The following CAST variants were observed in gnomAD, a reference collection of about 807,000 sequenced individuals.
CAST encodes the protein MIR583 host.
CAST carries 76 observed loss-of-function variants against 119.6 expected under a neutral mutation model. The observed-to-expected ratio is 0.64, with a 90% CI of 0.53 to 0.77. The LOEUF (loss-of-function observed/expected upper bound fraction) is 0.77. CAST is among the 30% of genes least tolerant of loss of function. The pLI is 0.00. For missense variants in CAST, 953 were observed against 946.5 expected (o/e 1.01, Z -0.09); for synonymous variants, 319 against 331.6 (o/e 0.96, Z 0.41).
the CAST span, among the ~76,000 whole-genome samples, chr5:96,462,859 G>A: frequency 1.3e-5 from 2 of 151,938 alleles, no homozygotes; most frequent in Non-Finnish European, 2.9e-5. Context: ...AGTGTTCGGC[G>A]GTTCCTCCAT....
rs573297286 is a variant in CAST, at chr5:96,587,868, A to G, written c.60+57988A>G. Among the ~76,000 whole-genome samples, 31 of 152,340 alleles carry G rather than the reference A, an allele frequency of 2.0e-4. 1 individual carries two copies. Among genetic ancestry groups the G allele is most frequent in the Admixed American group, 1.2e-3 (18 of 15,306 alleles). On this transcript the variant is annotated intron_variant, in intron 1 of 11. Transcript: ENST00000505143. ...TCTGGAAGCTCTGCTTAACTGTTTC[A>G]GAGAGCTTCTATTTTTATTAACTGT... is the stretch of plus-strand genomic sequence containing the variant.
the CAST span, among the ~76,000 whole-genome samples, chr5:96,170,855 C>T: frequency 6.6e-6 from 1 of 152,080 alleles, no homozygotes; most frequent in Non-Finnish European, 1.5e-5. Context: ...AGTTGCGGAA[C>T]GAAACTGTAA....
At chr5:96,001,316 C>T in the CAST span, among the ~76,000 whole-genome samples, 5,759 of 152,248 alleles carry the variant, frequency 0.038, 181 homozygotes, top group Admixed American at 0.077. Flanking sequence ...ATATGATTCA[C>T]TGTGTCTAGA....
At chr5:96,482,498 G>A in the CAST span, among the ~76,000 whole-genome samples, 12 of 151,764 alleles carry the variant, frequency 7.9e-5, no homozygotes, top group Admixed American at 2.0e-4. Context: ...TTTGTATGGC[G>A]CTTATAGGCA....
chr5:96,660,563 T>A (rs900292563), upstream of CAST, among the ~76,000 whole-genome samples: 2 of 152,172 alleles, frequency 1.3e-5, no homozygotes, highest in Non-Finnish European at 2.9e-5. Context: ...TGCCACCAAG[T>A]CACTGGAAAC....
chr5:96,218,271 AT>A, the CAST span, among the ~76,000 whole-genome samples: 1 of 152,086 alleles, frequency 6.6e-6, no homozygotes, highest in Admixed American at 6.6e-5. Context: ...CTTCAATGCA[AT>A]TTTATATTTT....
At chr5:96,187,960 G>A in the CAST span, among the ~76,000 whole-genome samples, 2 of 152,128 alleles carry the variant, frequency 1.3e-5, no homozygotes, top group African/African-American at 2.4e-5. Flanking sequence ...TCTGGGAGGG[G>A]ACTTCACATG....
chr5:96,264,940 T>C, the CAST span, among the ~76,000 whole-genome samples: 2 of 152,206 alleles, frequency 1.3e-5, no homozygotes, highest in Admixed American at 6.5e-5. Context: ...ATTTAATTGG[T>C]GATGGACATT....
chr5:96,232,130 G>A, the CAST span, among the ~76,000 whole-genome samples: 20 of 151,894 alleles, frequency 1.3e-4, no homozygotes, highest in Non-Finnish European at 2.4e-4. Context: ...AGTTTTATCC[G>A]GGGTCAATTT....
chr5:96,385,880 A>G, the CAST span, among the ~76,000 whole-genome samples: 1 of 152,186 alleles, frequency 6.6e-6, no homozygotes, highest in Non-Finnish European at 1.5e-5. Context: ...CTAAAGTGTC[A>G]TGTCACCTTT....
At chr5:96,579,398 A>G (rs1031972223) in intron 1 of CAST, among the ~76,000 whole-genome samples, 1 of 152,200 alleles carries the variant, frequency 6.6e-6, no homozygotes, top group Non-Finnish European at 1.5e-5. Context: ...CACCTGGCAG[A>G]AAAGGGGAGT....
At chr5:96,270,192 C>T in the CAST span, among the ~76,000 whole-genome samples, 3 of 152,002 alleles carry the variant, frequency 2.0e-5, no homozygotes, top group Non-Finnish European at 4.4e-5. Flanking sequence ...ATTTCAACAT[C>T]CCTCTATGAC....
At chr5:96,421,992 TTAAAAA>T in the CAST span, 102 of 388,330 alleles carry the variant, frequency 2.6e-4, no homozygotes, top group Admixed American at 5.3e-4. Flanking sequence ...TGTGGCAGCA[TTAAAAA>T]AAAAAAAAAA....
chr5:96,022,734 C>T, the CAST span, among the ~76,000 whole-genome samples: 4 of 152,144 alleles, frequency 2.6e-5, no homozygotes, highest in Admixed American at 2.0e-4. Flanking sequence ...TGACTTCATA[C>T]GATTGTGGGG....
chr5:96,620,738 A>G (rs1290930663), intron 1 of CAST, among the ~76,000 whole-genome samples: 1 of 152,232 alleles, frequency 6.6e-6, no homozygotes, highest in African/African-American at 2.4e-5. Context: ...GAGAGCTACT[A>G]CTTAGGAAAA....
At chr5:96,051,183 T>A in the CAST span, among the ~76,000 whole-genome samples, 1 of 152,290 alleles carries the variant, frequency 6.6e-6, no homozygotes, top group South Asian at 2.1e-4. Context: ...TATTGATGCT[T>A]GATTTTTCAT....
the CAST span, among the ~76,000 whole-genome samples, chr5:96,006,365 A>G: frequency 4.3e-5 from 6 of 139,854 alleles, no homozygotes; most frequent in African/African-American, 1.8e-4. Context: ...TGATGAGCTA[A>G]AAAAGAAAAA....
the CAST span, among the ~76,000 whole-genome samples, chr5:96,102,689 T>A: frequency 1.3e-5 from 2 of 151,722 alleles, no homozygotes; most frequent in African/African-American, 4.8e-5. Context: ...ACCAGCATTG[T>A]TTATGACTAT....
intron 1 of CAST, among the ~76,000 whole-genome samples, chr5:96,576,007 A>C (rs1224750404): frequency 6.6e-6 from 1 of 152,182 alleles, no homozygotes; most frequent in Non-Finnish European, 1.5e-5. Context: ...GATATGGTTG[A>C]TTATACTGAT....
Sources: gnomAD v4.1 joint callset for allele counts (sites outside exome capture counted in the v4.1 genomes callset) on GRCh38, gnomAD v4.1.1 for gene constraint, MANE v1.5 for transcripts, NCBI Gene and HGNC (gene_info 2026-07-23, HGNC 2026-07-21) for gene names.